The following RBFOX1 variants were observed in gnomAD, a reference collection of about 807,000 sequenced individuals.
RBFOX1 encodes the protein RNA binding protein fox-1 homolog 1.
In RBFOX1, 8 loss-of-function variants were observed where a neutral mutation model predicts 57.7. That is an observed-to-expected ratio of 0.14 (90% CI 0.08 to 0.25). The LOEUF (loss-of-function observed/expected upper bound fraction) is 0.25, where lower values mean the gene tolerates loss of function less well. RBFOX1 is among the 10% of genes least tolerant of loss of function. The probability of loss-of-function intolerance (pLI) is 1.00; values close to 1 mark genes in which losing one functional copy is unlikely to be tolerated. For missense variants in RBFOX1, 611 were observed against 548.5 expected (o/e 1.11, Z -1.14); for synonymous variants, 326 against 222.4 (o/e 1.47, Z -4.15).
chr16:6,384,542 G>A (rs964052648), intron 2 of RBFOX1, among the ~76,000 whole-genome samples: 1 of 152,080 alleles, frequency 6.6e-6, no homozygotes, highest in African/African-American at 2.4e-5. Context: ...TGAAGAAATG[G>A]AGCTTACACA....
chr16:5,442,056 C>G (rs531062674), intron 1 of RBFOX1, among the ~76,000 whole-genome samples: 3 of 152,162 alleles, frequency 2.0e-5, no homozygotes, highest in East Asian at 1.9e-4. Flanking sequence ...ATCAAGCAGT[C>G]GTCATGCAGA....
chr16:6,554,111 A>G (rs962132682), intron 2 of RBFOX1, among the ~76,000 whole-genome samples: 1 of 152,226 alleles, frequency 6.6e-6, no homozygotes, highest in South Asian at 2.1e-4. Flanking sequence ...TGAAAATAAC[A>G]AAGTGTTAAA....
At chr16:5,384,273 A>G (rs1022230504) in intron 1 of RBFOX1, among the ~76,000 whole-genome samples, 1 of 152,206 alleles carries the variant, frequency 6.6e-6, no homozygotes, top group African/African-American at 2.4e-5. Flanking sequence ...TGGGAAGGAA[A>G]GTCAAGGCTT....
intron 1 of RBFOX1, among the ~76,000 whole-genome samples, chr16:6,180,762 C>T (rs1019127974): frequency 6.6e-6 from 1 of 152,028 alleles, no homozygotes; most frequent in Non-Finnish European, 1.5e-5. Flanking sequence ...GATGGGGTTT[C>T]ACCGGGTTGG....
intron 3 of RBFOX1, among the ~76,000 whole-genome samples, chr16:6,880,479 C>T (rs117167734): frequency 1.3e-5 from 2 of 152,276 alleles, no homozygotes; most frequent in Admixed American, 6.5e-5. Context: ...CCAAGGTGGA[C>T]AAATGATGCA....
intron 3 of RBFOX1, among the ~76,000 whole-genome samples, chr16:7,033,243 G>A (rs550607574): frequency 3.9e-5 from 6 of 152,294 alleles, no homozygotes; most frequent in Non-Finnish European, 5.9e-5. Context: ...AAACAGGACG[G>A]GCACAGTGGG....
At chr16:7,340,533 G>T (rs9941321) in intron 4 of RBFOX1, among the ~76,000 whole-genome samples, 16 of 152,268 alleles carry the variant, frequency 1.1e-4, no homozygotes, top group African/African-American at 3.9e-4. Context: ...TTACAGACTA[G>T]TAAGTCACAA....
intron 3 of RBFOX1, among the ~76,000 whole-genome samples, chr16:6,854,083 C>T (rs1278716395): frequency 1.3e-5 from 2 of 152,136 alleles, no homozygotes. Context: ...TTATTTAAAG[C>T]TGAGTGTGAT....
At chr16:6,939,828 AG>A (rs2078042074) in intron 3 of RBFOX1, among the ~76,000 whole-genome samples, 1 of 152,096 alleles carries the variant, frequency 6.6e-6, no homozygotes, top group Non-Finnish European at 1.5e-5. Context: ...TTTCACTAAG[AG>A]GGTATCATAT....
intron 3 of RBFOX1, among the ~76,000 whole-genome samples, chr16:5,669,378 C>T (rs1285808179): frequency 6.6e-6 from 1 of 151,412 alleles, no homozygotes; most frequent in Non-Finnish European, 1.5e-5. Context: ...GGTCAGAAAC[C>T]CACCCGTAGA....
At chr16:6,681,646 C>T (rs2058667522) in intron 3 of RBFOX1, among the ~76,000 whole-genome samples, 3 of 147,292 alleles carry the variant, frequency 2.0e-5, no homozygotes, top group Admixed American at 7.0e-5. Flanking sequence ...CACAATTGCC[C>T]CCCTCCACAA....
chr16:7,443,509 C>T (rs1382691581), intron 4 of RBFOX1, among the ~76,000 whole-genome samples: 1 of 151,754 alleles, frequency 6.6e-6, no homozygotes, highest in Non-Finnish European at 1.5e-5. Context: ...ACCTTGAATC[C>T]TGCCAGATAT....
rs2069192546 is a variant in RBFOX1 at position 5,473,045 on chromosome 16, C to T, written c.258+5791C>T. Among the ~76,000 whole-genome samples the T allele has an allele frequency of 2.0e-5, 3 of 152,244 alleles. No homozygotes were observed. In the South Asian group the frequency reaches 6.2e-4, roughly 31 times the overall value. On this transcript the variant is annotated intron_variant, in intron 2 of 2. Coordinates refer to the RBFOX1 transcript ENST00000585867. Reference sequence around the variant, plus strand: ...TCTGCCCCTGCCTTGATCCATGAGGCTCTCAGAGCTGATGTCCCTCCTCCC... The same window carrying T: ...TCTGCCCCTGCCTTGATCCATGAGGTTCTCAGAGCTGATGTCCCTCCTCCC...
At chr16:5,343,086 T>C (rs1411383060) in intron 1 of RBFOX1, among the ~76,000 whole-genome samples, 1 of 152,168 alleles carries the variant, frequency 6.6e-6, no homozygotes, top group African/African-American at 2.4e-5. Context: ...TAGCTTAGTG[T>C]AAGGCTTAGG....
At chr16:7,424,081 A>G (rs1456173173) in intron 4 of RBFOX1, among the ~76,000 whole-genome samples, 1 of 152,174 alleles carries the variant, frequency 6.6e-6, no homozygotes, top group African/African-American at 2.4e-5. Context: ...TCTTTGGTTT[A>G]TTCTGAGTCT....
chr16:5,305,379 TG>T (rs1465232697), intron 1 of RBFOX1, among the ~76,000 whole-genome samples: 2 of 152,092 alleles, frequency 1.3e-5, no homozygotes, highest in Non-Finnish European at 2.9e-5. Flanking sequence ...TGTCTTCTGC[TG>T]GGGGTCACTT....
chr16:6,655,737 T>C (rs2098645992), intron 3 of RBFOX1, among the ~76,000 whole-genome samples: 1 of 152,220 alleles, frequency 6.6e-6, no homozygotes, highest in Non-Finnish European at 1.5e-5. Flanking sequence ...ACCTCCTGGC[T>C]ACTTTTGACA....
At chr16:5,277,631 G>C (rs768480394) in intron 1 of RBFOX1, among the ~76,000 whole-genome samples, 1 of 151,808 alleles carries the variant, frequency 6.6e-6, no homozygotes, top group Non-Finnish European at 1.5e-5. Context: ...ATTTTATATA[G>C]CTCCAGGGCA....
chr16:5,842,507 C>T (rs74004647), intron 3 of RBFOX1, among the ~76,000 whole-genome samples: 3,612 of 152,270 alleles, frequency 0.024, 142 homozygotes, highest in African/African-American at 0.082. Context: ...ATTTCAGTCC[C>T]TAAGTGCATG....
Sources: gnomAD v4.1 joint callset for allele counts (sites outside exome capture counted in the v4.1 genomes callset) on GRCh38, gnomAD v4.1.1 for gene constraint, MANE v1.5 for transcripts, NCBI Gene and HGNC (gene_info 2026-07-23, HGNC 2026-07-21) for gene names.